The following PDHX variants were observed in gnomAD, a reference collection of about 807,000 sequenced individuals.
The protein encoded by PDHX is pyruvate dehydrogenase protein X component, mitochondrial.
Under a neutral mutation model 55.3 loss-of-function variants are expected in PDHX, and 33 were observed. The ratio of observed to expected loss-of-function variants is 0.60; its 90% CI spans 0.45 to 0.80. The LOEUF (loss-of-function observed/expected upper bound fraction) is 0.80, where lower values mean the gene tolerates loss of function less well. Among genes scored for constraint, PDHX ranks in the 30% least tolerant of loss-of-function variants. The probability of loss-of-function intolerance (pLI) is 0.00; values close to 1 mark genes in which losing one functional copy is unlikely to be tolerated. For synonymous variants in PDHX, 226 were observed against 219.4 expected, an observed-to-expected ratio of 1.03 and a Z score of -0.27; for missense variants, 622 against 619.9, an observed-to-expected ratio of 1.00 and a Z score of -0.04.
upstream of PDHX, chr11:34,916,324 C>A (rs1391882209): frequency 1.1e-5 from 18 of 1,606,506 alleles, no homozygotes; most frequent in Non-Finnish European, 1.4e-5. Context: ...AATCTCCGCA[C>A]GGCTTTGCGC....
At position 34,986,734 on chromosome 11, in the gene PDHX, G is replaced by A. The variant is rs139310703; in HGVS notation, c.1182+2006G>A. 5.3e-3 allele frequency among the ~76,000 whole-genome samples: 803 copies of A among 152,260 alleles called. 6 individuals are homozygous for A. The highest frequency in any genetic ancestry group is 0.019 in the African/African-American group (774 of 41,540). On this transcript the variant is annotated intron_variant, in intron 9 of 10. Coordinates refer to ENST00000227868, the MANE Select transcript of PDHX (RefSeq NM_003477.3). The stretch of plus-strand genomic sequence containing the variant: ...AGAACGCAGTCTCACCAGCCTCTCA[G>A]TTGGGCCTCACAGCAATGGGAAGGG...
intron 1 of PDHX, among the ~76,000 whole-genome samples, chr11:34,918,556 A>T (rs1000586662): frequency 6.6e-6 from 1 of 152,184 alleles, no homozygotes; most frequent in African/African-American, 2.4e-5. Context: ...TATCCCCTAG[A>T]CATATACCAT....
At position 34,975,684 on chromosome 11, in the gene PDHX, CTG is replaced by C. The variant is rs569461655; in HGVS notation, c.965-2436_965-2435del. ...TACTCTGACAGTGGGTATTTACTTC[CTG>C]TGTTTGTCTCTCCTCTGAGTGGATT... On this transcript the variant is annotated intron_variant, in intron 7 of 10. Coordinates refer to ENST00000227868, the MANE Select transcript of PDHX (RefSeq NM_003477.3). Among the ~76,000 whole-genome samples, 193 of 152,214 alleles carry C rather than the reference CTG, an allele frequency of 1.3e-3. No individual in the cohort carries two copies. In the Middle Eastern group the frequency reaches 0.014, roughly 11 times the overall value.
chr11:34,926,953 G>A (rs1010332465), intron 1 of PDHX, among the ~76,000 whole-genome samples: 3 of 152,000 alleles, frequency 2.0e-5, no homozygotes, highest in Non-Finnish European at 4.4e-5. Context: ...AGCAGAAATG[G>A]CAGGGAAAAC....
chr11:34,938,332 T>C (rs1055682559), intron 2 of PDHX, among the ~76,000 whole-genome samples: 1 of 152,158 alleles, frequency 6.6e-6, no homozygotes, highest in Admixed American at 6.5e-5. Context: ...TGGCAGAGAA[T>C]TTTCTAGAAT....
chr11:34,966,102 G>C (rs567574178), intron 5 of PDHX, among the ~76,000 whole-genome samples: 1 of 152,202 alleles, frequency 6.6e-6, no homozygotes, highest in South Asian at 2.1e-4. Flanking sequence ...TGTTATATTA[G>C]ATTGTACTGA....
chr11:34,965,345 C>T (rs571435013), intron 5 of PDHX, among the ~76,000 whole-genome samples: 10 of 152,262 alleles, frequency 6.6e-5, no homozygotes, highest in Admixed American at 6.5e-4. Flanking sequence ...TGCGTGGTCT[C>T]CATAGGCGGT....
intron 7 of PDHX, among the ~76,000 whole-genome samples, chr11:34,973,332 T>C (rs1245576861): frequency 6.6e-6 from 1 of 152,208 alleles, no homozygotes; most frequent in African/African-American, 2.4e-5. Context: ...AGTAGGTTTC[T>C]TGAAGGCAGC....
chr11:34,943,793 TCTC>T (rs1854551902), intron 2 of PDHX, among the ~76,000 whole-genome samples: 1 of 152,144 alleles, frequency 6.6e-6, no homozygotes, highest in Non-Finnish European at 1.5e-5. Context: ...TTACAGATTG[TCTC>T]CTCCTCACCT....
intron 3 of PDHX, 126 bp from the exon 4 acceptor site, chr11:34,957,258 G>A: frequency 1.4e-6 from 1 of 733,536 alleles, no homozygotes. Flanking sequence ...GAGGCAAACT[G>A]TCTTGGAAGC....
intron 10 of PDHX, among the ~76,000 whole-genome samples, chr11:34,993,180 T>G (rs1855791013): frequency 6.6e-6 from 1 of 152,052 alleles, no homozygotes; most frequent in African/African-American, 2.4e-5. Flanking sequence ...GATGTATAGT[T>G]CTTATTTCTG....
intron 1 of PDHX, among the ~76,000 whole-genome samples, chr11:34,923,135 T>A (rs1423431062): frequency 1.3e-5 from 2 of 152,166 alleles, no homozygotes; most frequent in Non-Finnish European, 2.9e-5. Context: ...TAATGTGCCA[T>A]TGGATACTAA....
intron 6 of PDHX, among the ~76,000 whole-genome samples, chr11:34,967,176 G>A (rs1855156224): frequency 6.6e-6 from 1 of 152,144 alleles, no homozygotes; most frequent in East Asian, 1.9e-4. Context: ...TCAGATTCAA[G>A]TGTGAGAGAG....
In PDHX at chr11:34,931,493, G is replaced by A. The variant is rs752434680; in HGVS notation, c.241+9G>A. On this transcript the variant is annotated intron_variant, in intron 2 of 10. Coordinates refer to ENST00000227868, the MANE Select transcript of PDHX (RefSeq NM_003477.3). ...ATGGCTGAAAAAGGAAGGTGAGGAG[G>A]TACCTTCCTAATGTCCTGTGTGCTT... 1.3e-6 allele frequency: 2 copies of A among 1,497,500 alleles called. No homozygotes were observed. Among genetic ancestry groups the A allele is most frequent in the Middle Eastern group, 3.4e-4 (2 of 5,858 alleles). 92.8% of individuals were successfully genotyped at this position (1,497,500 alleles called of 1,614,324 possible).
chr11:34,916,616 T>C (rs369228797), upstream of PDHX: 176 of 1,600,478 alleles, frequency 1.1e-4, no homozygotes, highest in African/African-American at 2.1e-3. Flanking sequence ...ATGCTGGACA[T>C]CAGGCTGTGC....
intron 8 of PDHX, among the ~76,000 whole-genome samples, chr11:34,981,887 G>C (rs1395677903): frequency 6.6e-6 from 1 of 152,152 alleles, no homozygotes; most frequent in Admixed American, 6.5e-5. Context: ...GTTCATTGTA[G>C]ATTCTGGATA....
chr11:34,927,254 C>CT (rs1160185384), intron 1 of PDHX, among the ~76,000 whole-genome samples: 3 of 151,954 alleles, frequency 2.0e-5, no homozygotes, highest in Non-Finnish European at 4.4e-5. Context: ...ATTTTGAGAA[C>CT]TTTGTGAATA....
upstream of PDHX, chr11:34,916,337 G>C (rs2956113): frequency 1.3e-6 from 2 of 1,599,742 alleles, no homozygotes; most frequent in South Asian, 1.1e-5. Context: ...CTTTGCGCGC[G>C]GCGCTTAGCC....
At chr11:34,924,410 G>A (rs1038586797) in intron 1 of PDHX, among the ~76,000 whole-genome samples, 7 of 152,028 alleles carry the variant, frequency 4.6e-5, no homozygotes, top group African/African-American at 1.2e-4. Flanking sequence ...TAGTAAAGAC[G>A]GGCTTTCACC....
Sources: gnomAD v4.1 joint callset for allele counts (sites outside exome capture counted in the v4.1 genomes callset) on GRCh38, gnomAD v4.1.1 for gene constraint, MANE v1.5 for transcripts, NCBI Gene and HGNC (gene_info 2026-07-23, HGNC 2026-07-21) for gene names.